The following SEMA3A variants were observed in gnomAD, a reference collection of about 807,000 sequenced individuals.
The protein encoded by SEMA3A is semaphorin 3A, also known as semaphorin-3A.
SEMA3A carries 29 observed loss-of-function variants against 97.9 expected under a neutral mutation model. The observed-to-expected ratio is 0.30, with a 90% CI of 0.22 to 0.40. The LOEUF (loss-of-function observed/expected upper bound fraction) is 0.40, where lower values mean the gene tolerates loss of function less well. Ranked by LOEUF, SEMA3A falls within the 10% of genes least tolerant of loss-of-function variation. The probability of loss-of-function intolerance (pLI) is 1.00; values close to 1 mark genes in which losing one functional copy is unlikely to be tolerated. For missense variants in SEMA3A, 763 were observed against 951.3 expected (o/e 0.80, Z 2.60); for synonymous variants, 321 against 323.7 (o/e 0.99, Z 0.09).
At chr7:84,363,998 G>A (rs924048929) in intron 2 of SEMA3A, among the ~76,000 whole-genome samples, 3 of 151,782 alleles carry the variant, frequency 2.0e-5, no homozygotes, top group Non-Finnish European at 4.4e-5. Context: ...TTAGCCAGAT[G>A]TTATGGAGAT....
At chr7:84,196,645 C>A (rs971792673), upstream of SEMA3A, among the ~76,000 whole-genome samples, 1 of 152,158 alleles carries the variant, frequency 6.6e-6, no homozygotes, top group Non-Finnish European at 1.5e-5. Context: ...GGCACTTTCA[C>A]GCTCTAGGCA....
chr7:83,987,370 A>G (rs1347844670), intron 12 of SEMA3A, among the ~76,000 whole-genome samples: 1 of 152,172 alleles, frequency 6.6e-6, no homozygotes, highest in Non-Finnish European at 1.5e-5. Context: ...CAAGAAAAGT[A>G]CTTATTCATT....
chr7:84,063,031 T>C (rs1272575361), intron 4 of SEMA3A, among the ~76,000 whole-genome samples: 3 of 152,008 alleles, frequency 2.0e-5, no homozygotes, highest in African/African-American at 7.2e-5. Flanking sequence ...CTGACAGCTT[T>C]GAAGAGAGCA....
chr7:84,113,087 G>A (rs1795322047), intron 3 of SEMA3A, among the ~76,000 whole-genome samples: 1 of 152,220 alleles, frequency 6.6e-6, no homozygotes, highest in Admixed American at 6.5e-5. Flanking sequence ...GATGCAAATA[G>A]AAGGGAGAGA....
chr7:84,174,530 C>T (rs189357354), intron 1 of SEMA3A, among the ~76,000 whole-genome samples: 4 of 152,166 alleles, frequency 2.6e-5, no homozygotes, highest in Admixed American at 6.5e-5. Flanking sequence ...AAACAACTTA[C>T]GCATCCACAA....
At chr7:84,130,726 A>G (rs1795937224) in intron 2 of SEMA3A, among the ~76,000 whole-genome samples, 1 of 152,092 alleles carries the variant, frequency 6.6e-6, no homozygotes, top group Non-Finnish European at 1.5e-5. Context: ...ATTTTTATTT[A>G]AAGTTTATAA....
At position 84,107,210 on chromosome 7, in the gene SEMA3A, C is replaced by T. The variant is rs150690770; in HGVS notation, c.453+3260G>A. 2.3e-4 allele frequency among the ~76,000 whole-genome samples: 35 copies of T among 152,276 alleles called. No homozygotes were observed. The East Asian group carries it at 6.6e-3, about 29-fold the overall frequency. Reference sequence around the variant, plus strand: ...TCCCAATAGTAGAAGTATACACTGTCTCTTTTTTTCAACTTCACCAACAGC... The same window carrying T: ...TCCCAATAGTAGAAGTATACACTGTTTCTTTTTTTCAACTTCACCAACAGC... On this transcript the variant is annotated intron_variant, in intron 4 of 16. Coordinates refer to ENST00000265362, the MANE Select transcript of SEMA3A (RefSeq NM_006080.3).
At chr7:84,422,250 G>T (rs1176533865) in intron 1 of SEMA3A, among the ~76,000 whole-genome samples, 2 of 151,900 alleles carry the variant, frequency 1.3e-5, no homozygotes, top group Non-Finnish European at 2.9e-5. Flanking sequence ...TCTTGGGAGG[G>T]TGTATGTGTC....
chr7:84,162,596 A>AAAAC (rs1446562908), intron 1 of SEMA3A, among the ~76,000 whole-genome samples: 2 of 152,050 alleles, frequency 1.3e-5, no homozygotes, highest in African/African-American at 4.8e-5. Context: ...TTTTTTTAAA[A>AAAAC]AAAAATAGAT....
chr7:84,319,377 G>C (rs112579450), intron 2 of SEMA3A, among the ~76,000 whole-genome samples: 3 of 151,192 alleles, frequency 2.0e-5, no homozygotes, highest in African/African-American at 7.3e-5. Flanking sequence ...TTTTTGTTGA[G>C]TAAGTCTGGT....
intron 1 of SEMA3A, among the ~76,000 whole-genome samples, chr7:84,458,842 T>C (rs1027674145): frequency 2.0e-5 from 3 of 152,160 alleles, no homozygotes; most frequent in Non-Finnish European, 4.4e-5. Context: ...TACTTTCAAA[T>C]ATATAATGAG....
intron 2 of SEMA3A, among the ~76,000 whole-genome samples, chr7:84,129,851 A>G (rs1227163052): frequency 6.6e-6 from 1 of 152,022 alleles, no homozygotes; most frequent in Non-Finnish European, 1.5e-5. Context: ...GGGCTAAAAG[A>G]CTAGTTGAGA....
chr7:84,283,855 T>G (rs1013063620), intron 3 of SEMA3A, among the ~76,000 whole-genome samples: 1 of 152,142 alleles, frequency 6.6e-6, no homozygotes, highest in African/African-American at 2.4e-5. Context: ...GCCACTTTCT[T>G]TCATTGTGTA....
At chr7:84,200,834 A>T (rs1372225669) in intron 3 of SEMA3A, among the ~76,000 whole-genome samples, 2 of 149,998 alleles carry the variant, frequency 1.3e-5, no homozygotes, top group East Asian at 3.9e-4. Context: ...CTCCACCTCA[A>T]CTCAAATGGA....
intron 3 of SEMA3A, among the ~76,000 whole-genome samples, chr7:84,220,120 T>A (rs747803182): frequency 3.3e-5 from 5 of 152,212 alleles, no homozygotes; most frequent in Non-Finnish European, 7.3e-5. Context: ...TTGTGTAATA[T>A]TCTAAATATT....
At chr7:84,249,364 CT>C (rs1799545523) in intron 3 of SEMA3A, among the ~76,000 whole-genome samples, 1 of 119,262 alleles carries the variant, frequency 8.4e-6, no homozygotes, top group African/African-American at 3.0e-5. Context: ...CTCTCTCTGT[CT>C]ATCATCTATC....
At chr7:84,295,306 AT>A (rs941333672) in intron 3 of SEMA3A, among the ~76,000 whole-genome samples, 43 of 149,558 alleles carry the variant, frequency 2.9e-4, no homozygotes, top group East Asian at 2.1e-3. Context: ...TAGATTCATT[AT>A]TTTTTTTTTA....
At chr7:84,129,306 T>G in intron 2 of SEMA3A, 121 bp from the exon 3 acceptor site, 1 of 800,354 alleles carries the variant, frequency 1.2e-6, no homozygotes, top group Non-Finnish European at 2.1e-6. Flanking sequence ...AAAGACTGTT[T>G]CAGGAAACTT....
intron 6 of SEMA3A, among the ~76,000 whole-genome samples, chr7:84,045,628 C>T (rs1792318263): frequency 6.6e-6 from 1 of 151,270 alleles, no homozygotes; most frequent in South Asian, 2.1e-4. Context: ...TTCTGCTATG[C>T]CAAAATTATT....
Sources: allele counts gnomAD v4.1 joint callset (sites outside exome capture counted in the v4.1 genomes callset), GRCh38; gene constraint gnomAD v4.1.1; transcripts MANE v1.5; gene names NCBI Gene and HGNC (gene_info 2026-07-23, HGNC 2026-07-21).